Variants in PIK3IP1 observed in about 807,000 individuals in gnomAD.
PIK3IP1 encodes phosphoinositide-3-kinase-interacting protein 1.
Under a neutral mutation model 30.7 loss-of-function variants are expected in PIK3IP1, and 28 were observed. The observed-to-expected ratio is 0.91, with a 90% CI of 0.68 to 1.25. The LOEUF is 1.25. Ranked by LOEUF, PIK3IP1 falls within the 50% of genes most tolerant of loss-of-function variation. The pLI, the probability that PIK3IP1 is intolerant of heterozygous loss-of-function variation, is 0.00. For synonymous variants in PIK3IP1, 159 were observed against 140.8 expected (o/e 1.13, Z -0.91); for missense variants, 333 against 346.2 (o/e 0.96, Z 0.30).
chr22:31,292,249 G>A (rs2049186220), intron 1 of PIK3IP1, 26 bp downstream of exon 1: 1 of 1,609,274 alleles, frequency 6.2e-7, no homozygotes, highest in African/African-American at 1.3e-5. Context: ...TGAAGTTGCT[G>A]CGGAAAGGAA....
rs1434254009 is a variant in PIK3IP1 at position 31,282,567 on chromosome 22, C to G, written c.*517G>C. 6.5e-6 allele frequency: 1 copy of G among 154,014 alleles called. No homozygotes were observed. The highest frequency in any genetic ancestry group is 1.5e-5 in the Non-Finnish European group (1 of 68,930). 9.5% of individuals were successfully genotyped at this position (154,014 alleles called of 1,614,324 possible). A position where few individuals can be genotyped will look rare whatever the true frequency, so the allele number is the denominator to read the frequency against. ...CATTCCCAACCCAAAGTTCTGACTTCTGTACAAACTCGTTTCCAGTTCTCA... is the reference window on the plus strand; with the variant it reads ...CATTCCCAACCCAAAGTTCTGACTTGTGTACAAACTCGTTTCCAGTTCTCA... On this transcript the variant is annotated 3_prime_UTR_variant, in exon 6 of 6. Transcript: ENST00000215912.
chr22:31,289,878 C>A (rs2049160457), intron 3 of PIK3IP1, 179 bp from the exon 4 acceptor site: 2 of 597,200 alleles, frequency 3.3e-6, no homozygotes, highest in South Asian at 4.4e-5. Flanking sequence ...GCTGAACCAT[C>A]TCAGGGACAA....
At chr22:31,283,837 C>T (rs2049110490) in intron 5 of PIK3IP1, among the ~76,000 whole-genome samples, 1 of 152,114 alleles carries the variant, frequency 6.6e-6, no homozygotes, top group African/African-American at 2.4e-5. Context: ...CTGACCTGAT[C>T]ATCCTGCTGT....
At position 31,292,328 on chromosome 22, in the gene PIK3IP1, A is replaced by G. The variant is rs777951997; in HGVS notation, c.17T>C (p.Val6Ala). The G allele has an allele frequency of 8.7e-6, 14 of 1,614,170 alleles. No individual in the cohort carries two copies. In the Admixed American group the frequency reaches 2.0e-4, roughly 23 times the overall value. The change falls in exon 1 of 6, where the codon GTA becomes GCA. Residue 6 changes from valine (V) to alanine (A), a missense_variant. This residue lies in a region of PIK3IP1 where 111 missense variants were observed against 100.1 expected (regional missense o/e 1.11). Coordinates refer to ENST00000215912, the MANE Select transcript of PIK3IP1 (RefSeq NM_052880.5). ...CATGTTGCTGACGAGGAATGCTTGT[A>G]CCCAGGCCAACAGCATCCTTGCCTC... MLLAW[V>A]QAFLVSNMLL... is the part of the protein sequence containing the mutation.
At chr22:31,288,409 GGGAA>G (rs1366329091) in intron 5 of PIK3IP1, among the ~76,000 whole-genome samples, 6 of 100,072 alleles carry the variant, frequency 6.0e-5, no homozygotes, top group Non-Finnish European at 9.8e-5. Flanking sequence ...GGAAAGAAAG[GGGAA>G]GGAAGGAAGG....
chr22:31,287,190 G>A (rs2049137919), intron 5 of PIK3IP1, among the ~76,000 whole-genome samples: 1 of 149,904 alleles, frequency 6.7e-6, no homozygotes, highest in African/African-American at 2.5e-5. Flanking sequence ...GCTAATTTTT[G>A]TATTTTTTTG....
rs748160839 is a variant in PIK3IP1, at chr22:31,283,116, G to A, written c.760C>T (p.Leu254Phe). Residue 254 changes from leucine to phenylalanine, a missense_variant, in exon 6 of 6, where the codon CTT (leucine) becomes TTT (phenylalanine). This residue lies in a region of PIK3IP1 where 217 missense variants were observed against 227.7 expected (regional missense o/e 0.95). Coordinates refer to ENST00000215912, the MANE Select transcript of PIK3IP1 (RefSeq NM_052880.5). ...CCAGGAGTCCCGGCCTGGCCCATAA[G>A]GGGGGTGGTGCCCTCCTGAGGGTCA... ...PVDPQEGTTP[L>F]MGQAGTPGA is the part of the protein sequence containing the mutation. The A allele has an allele frequency of 1.4e-5, 23 of 1,610,856 alleles. No individual in the cohort carries two copies. Among genetic ancestry groups the A allele is most frequent in the East Asian group, 2.2e-5 (1 of 44,840 alleles).
Position 31,283,233 on chromosome 22 carries a change from G to T in PIK3IP1, c.643C>A (p.Arg215=). 2.5e-6 allele frequency: 4 copies of T among 1,614,190 alleles called. No individual in the cohort carries two copies. Among genetic ancestry groups the T allele is most frequent in the Non-Finnish European group, 3.4e-6 (4 of 1,180,032 alleles). The change falls in exon 6 of 6, where the codon CGA becomes AGA. Residue 215 remains arginine (R), a synonymous_variant. Coordinates refer to ENST00000215912, the MANE Select transcript of PIK3IP1 (RefSeq NM_052880.5). ...DQKVCEREMQ[R]ITLPLSAFTN... ...AAGGCAGACAAGGGCAGAGTGATTC[G>T]CTGCATCTCCCTCTCACATACTTTC...
rs942229041 is a variant in PIK3IP1, at chr22:31,291,283, G to C, written c.84C>G (p.Asp28Glu). 3 of 1,556,602 alleles carry C rather than the reference G, an allele frequency of 1.9e-6. No individual in the cohort carries two copies. Among genetic ancestry groups the C allele is most frequent in the African/African-American group, 2.7e-5 (2 of 73,154 alleles). Reference protein sequence around the residue: ...EAYGSGGCFWDNGHLYREDQT... With the variant: ...EAYGSGGCFWENGHLYREDQT... ...GGTCCTCCCGGTACAGGTGGCCGTT[G>C]TCCCAGAAACAGCCTGTGAGGAAAA... Residue 28 changes from aspartate to glutamate, a missense_variant, in exon 2 of 6, where the codon GAC becomes GAG. By Grantham distance (45) the Asp-to-Glu change is conservative (BLOSUM62 2). Around this residue, in one of 3 missense-constraint regions of PIK3IP1, gnomAD observed 111 missense variants for 100.1 expected, o/e 1.11. Coordinates refer to ENST00000215912, the MANE Select transcript of PIK3IP1 (RefSeq NM_052880.5).
Position 31,290,476 on chromosome 22 carries a change from C to T in PIK3IP1, c.307+489G>A, listed in dbSNP as rs144117757. On this transcript the variant is annotated intron_variant, in intron 3 of 5. Coordinates refer to ENST00000215912, the MANE Select transcript of PIK3IP1 (RefSeq NM_052880.5). ...CTCTTGCTGCTTTGGGAGCAAAAAGCCTGCGCTCTGGAATCTAAGAAACGT... is the reference window on the plus strand; with the variant it reads ...CTCTTGCTGCTTTGGGAGCAAAAAGTCTGCGCTCTGGAATCTAAGAAACGT... The T allele has an allele frequency of 1.6e-3, 245 of 154,546 alleles. 1 individual carries two copies. Among genetic ancestry groups the T allele is most frequent in the South Asian group, 4.8e-3 (24 of 4,998 alleles). 9.6% of individuals were successfully genotyped at this position (154,546 alleles called of 1,614,324 possible).
At chr22:31,286,863 G>A (rs1440969808) in intron 5 of PIK3IP1, among the ~76,000 whole-genome samples, 1 of 152,158 alleles carries the variant, frequency 6.6e-6, no homozygotes, top group Non-Finnish European at 1.5e-5. Flanking sequence ...AAATGAACAA[G>A]CAGGTGTCCC....
chr22:31,288,317 T>C (rs2123889358), intron 5 of PIK3IP1, among the ~76,000 whole-genome samples: 1 of 149,514 alleles, frequency 6.7e-6, no homozygotes, highest in East Asian at 2.0e-4. Flanking sequence ...AGGTTGAGGC[T>C]GCAGTGAGCC....
At chr22:31,287,798 C>T (rs2123888825) in intron 5 of PIK3IP1, among the ~76,000 whole-genome samples, 1 of 152,226 alleles carries the variant, frequency 6.6e-6, no homozygotes, top group South Asian at 2.1e-4. Context: ...CTTCTCTCCA[C>T]CAAATGCTAG....
At chr22:31,292,118 C>T (rs899193306) in intron 1 of PIK3IP1, among the ~76,000 whole-genome samples, 157 bp downstream of exon 1, 4 of 152,180 alleles carry the variant, frequency 2.6e-5, no homozygotes, top group Non-Finnish European at 4.4e-5. Flanking sequence ...AGCTGCAAGC[C>T]CCTGACAAGG....
intron 1 of PIK3IP1, 69 bp from the exon 2 acceptor site, chr22:31,291,365 C>T: frequency 1.3e-6 from 2 of 1,485,896 alleles, no homozygotes. Context: ...GCGTGGCGGA[C>T]AGGGGAGCCG....
At chr22:31,289,947 T>C in intron 3 of PIK3IP1, 1 of 465,258 alleles carries the variant, frequency 2.1e-6, no homozygotes, top group Non-Finnish European at 3.9e-6. Flanking sequence ...CACGTCTTTA[T>C]CTGTCCAAAT....
rs550958958 is a variant in PIK3IP1, at chr22:31,291,094, G to T, written c.188-10C>A. ...CTGTGATTGCCGGCCCCTAAGAGAG[G>T]AGAGAAGGAAATGTGTGCCGGGGCT... On this transcript the variant is annotated splice_polypyrimidine_tract_variant and intron_variant, in intron 2 of 5. Coordinates refer to ENST00000215912, the MANE Select transcript of PIK3IP1 (RefSeq NM_052880.5). 2.0e-4 allele frequency: 314 copies of T among 1,549,070 alleles called. 1 individual carries two copies. In the South Asian group the frequency reaches 3.6e-3, roughly 18 times the overall value.
rs369032357 is a variant in PIK3IP1, at chr22:31,282,495, A to AT, written c.*588dup. The stretch of plus-strand genomic sequence containing the variant: ...GCCTGGCCCACGGTTGTCAAGGCAC[A>AT]TCATTGCCAGCAAGCTGAAGCATAC... On this transcript the variant is annotated 3_prime_UTR_variant, in exon 6 of 6. Transcript: ENST00000215912. 6,200 of 152,966 alleles carry AT rather than the reference A, an allele frequency of 0.041. 117 individuals carry two copies. The highest frequency in any genetic ancestry group is 0.051 in the Non-Finnish European group (3,449 of 68,238). The allele number at this position is 152,966 out of a possible 1,614,324, so 9.5% of individuals were successfully genotyped here. A position where few individuals can be genotyped will look rare whatever the true frequency, so the allele number is the denominator to read the frequency against.
chr22:31,288,953 C>T (rs957660133), intron 5 of PIK3IP1: 5 of 448,352 alleles, frequency 1.1e-5, no homozygotes, highest in Non-Finnish European at 2.0e-5. Flanking sequence ...TTCTGCAGTG[C>T]CACTCACTTC....
Sources: gnomAD v4.1 joint callset for allele counts (sites outside exome capture counted in the v4.1 genomes callset) on GRCh38, gnomAD v4.1.1 for gene constraint, gnomAD v4.1.1 regional missense constraint, MANE v1.5 for transcripts, NCBI Gene and HGNC (gene_info 2026-07-23, HGNC 2026-07-21) for gene names.